The following CPAMD8 variants were observed in gnomAD, a reference collection of about 807,000 sequenced individuals.
CPAMD8 encodes the protein C3 and PZP like alpha-2-macroglobulin domain containing 8.
In CPAMD8, 146 loss-of-function variants were observed where a neutral mutation model predicts 224.7. The ratio of observed to expected loss-of-function variants is 0.65; its 90% CI spans 0.57 to 0.75. CPAMD8 has a LOEUF of 0.75. Among genes scored for constraint, CPAMD8 ranks in the 30% least tolerant of loss-of-function variants. The pLI is 0.00. For synonymous variants in CPAMD8, 966 were observed against 1,044.6 expected (o/e 0.92, Z 1.45); for missense variants, 2,301 against 2,537.5 (o/e 0.91, Z 2.00).
chr19:16,967,634 G>A (rs1022947452), intron 18 of CPAMD8, among the ~76,000 whole-genome samples: 8 of 151,796 alleles, frequency 5.3e-5, no homozygotes, highest in Admixed American at 2.0e-4. Context: ...GTGAAACCCC[G>A]TCTCTACTAA....
Position 16,975,145 on chromosome 19 carries a change from G to A in CPAMD8, c.2022C>T (p.Val674=), listed in dbSNP as rs1375810022. The A allele has an allele frequency of 1.2e-6, 2 of 1,613,044 alleles. No individual in the cohort carries two copies. The highest frequency in any genetic ancestry group is 2.7e-5 in the African/African-American group (2 of 74,922). ...TGGTGATGCCCCAAGGCCACGGGAA[G>A]ACAGAGGAGCGCCGGCGTCGTTGTG... is the stretch of plus-strand genomic sequence containing the variant. ...LTAQRRRRSS[V]FPWPWGITKD... Residue 674 remains valine (V), a synonymous_variant, in exon 17 of 42, where the codon GTC becomes GTT. Transcript: ENST00000443236.
intron 14 of CPAMD8, 72 bp downstream of exon 14, chr19:16,980,425 G>C: frequency 6.8e-7 from 1 of 1,465,278 alleles, no homozygotes; most frequent in South Asian, 1.2e-5. Context: ...GTCCCTCCTT[G>C]CAGGAGCACC....
At chr19:16,914,934 G>A (rs767799296) in intron 27 of CPAMD8, 121 bp from the exon 28 acceptor site, 24 of 700,192 alleles carry the variant, frequency 3.4e-5, no homozygotes, top group Non-Finnish European at 5.3e-5. Flanking sequence ...TCTATAAGAT[G>A]GGAGGGGTCC....
At chr19:16,998,014 G>C (rs1223904129) in intron 10 of CPAMD8, among the ~76,000 whole-genome samples, 3 of 152,172 alleles carry the variant, frequency 2.0e-5, no homozygotes, top group African/African-American at 7.2e-5. Context: ...AAGAGCTGTG[G>C]AGTAAATTAC....
Position 16,997,012 on chromosome 19 carries a change from TC to T in CPAMD8, c.1095+98del. The T allele has an allele frequency of 4.0e-6, 3 of 755,766 alleles. No homozygotes were observed. In the East Asian group the frequency reaches 7.6e-5, roughly 19 times the overall value. The allele number at this position is 755,766 out of a possible 1,614,324, so 46.8% of individuals were successfully genotyped here. A position where few individuals can be genotyped will look rare whatever the true frequency, so the allele number is the denominator to read the frequency against. On this transcript the variant is annotated intron_variant, in intron 11 of 41. Coordinates refer to ENST00000443236, the MANE Select transcript of CPAMD8 (RefSeq NM_015692.5). Reference sequence around the variant, plus strand: ...TCTCCGCAAAGGTTATGTCAGGGGATCCGTTTTCAGCTGAGTCACCACTGCA... The same window carrying T: ...TCTCCGCAAAGGTTATGTCAGGGGATCGTTTTCAGCTGAGTCACCACTGCA...
chr19:16,920,662 C>G (rs1028397506), intron 27 of CPAMD8, among the ~76,000 whole-genome samples: 4 of 151,956 alleles, frequency 2.6e-5, no homozygotes, highest in African/African-American at 9.7e-5. Flanking sequence ...TTGAGACCAG[C>G]CTGGCCAACA....
At chr19:17,004,964 CAGAG>C (rs373313266) in intron 7 of CPAMD8, among the ~76,000 whole-genome samples, 9 of 139,928 alleles carry the variant, frequency 6.4e-5, no homozygotes, top group Non-Finnish European at 1.4e-4. Context: ...GAGAGACAGA[CAGAG>C]AGAGAGAGAG....
chr19:16,946,660 TTG>T (rs749949451), intron 21 of CPAMD8, among the ~76,000 whole-genome samples: 14 of 148,620 alleles, frequency 9.4e-5, no homozygotes, highest in African/African-American at 2.2e-4. Flanking sequence ...GTGTGTGGAT[TTG>T]TGTGTGTGTA....
intron 2 of CPAMD8, among the ~76,000 whole-genome samples, chr19:17,020,936 C>G (rs2056937875): frequency 6.6e-6 from 1 of 152,210 alleles, no homozygotes; most frequent in Non-Finnish European, 1.5e-5. Context: ...ACGTGGCTCC[C>G]AAGCTCTCCA....
At chr19:16,954,369 A>C (rs1037007305) in intron 19 of CPAMD8, among the ~76,000 whole-genome samples, 3 of 151,952 alleles carry the variant, frequency 2.0e-5, no homozygotes, top group Non-Finnish European at 4.4e-5. Flanking sequence ...AAAAGAGAAC[A>C]GCAAGTGTTT....
At chr19:16,996,991 C>T (rs570084916) in intron 11 of CPAMD8, 120 bp downstream of exon 11, 66 of 689,806 alleles carry the variant, frequency 9.6e-5, no homozygotes, top group Non-Finnish European at 1.5e-4. Context: ...CTCCACTCTC[C>T]GCAAAGGTTA....
At chr19:16,948,921 GGGGAGT>G (rs2054206909) in intron 20 of CPAMD8, among the ~76,000 whole-genome samples, 1 of 101,558 alleles carries the variant, frequency 9.8e-6, no homozygotes, top group African/African-American at 3.9e-5. Flanking sequence ...GGGAAAGGAA[GGGGAGT>G]GGAGGGGAGA....
intron 20 of CPAMD8, among the ~76,000 whole-genome samples, chr19:16,949,238 C>G (rs1423731213): frequency 1.3e-5 from 2 of 152,084 alleles, no homozygotes. Flanking sequence ...AGCACATACA[C>G]TGCCCAGCAG....
chr19:16,895,619 T>G (rs944872401), intron 41 of CPAMD8: 1 of 332,930 alleles, frequency 3.0e-6, no homozygotes, highest in African/African-American at 2.2e-5. Context: ...AATCTGCCCA[T>G]GAGGAAACCG....
At chr19:16,934,263 C>T (rs528171228) in intron 23 of CPAMD8, among the ~76,000 whole-genome samples, 16 of 152,158 alleles carry the variant, frequency 1.1e-4, no homozygotes, top group Admixed American at 4.6e-4. Flanking sequence ...GTTTCACAGA[C>T]GTACATATAT....
chr19:16,978,992 C>T (rs914141342), intron 14 of CPAMD8, among the ~76,000 whole-genome samples: 4 of 148,990 alleles, frequency 2.7e-5, no homozygotes, highest in African/African-American at 1.0e-4. Flanking sequence ...AATCATCTAT[C>T]CATCTGTTCA....
intron 18 of CPAMD8, among the ~76,000 whole-genome samples, chr19:16,961,390 G>A (rs375236931): frequency 3.3e-5 from 5 of 152,230 alleles, no homozygotes; most frequent in Admixed American, 6.5e-5. Context: ...CGGGTCCCAC[G>A]CCCGCAGAGC....
chr19:16,942,470 G>C (rs1051662741), intron 22 of CPAMD8, among the ~76,000 whole-genome samples: 9 of 152,056 alleles, frequency 5.9e-5, no homozygotes, highest in African/African-American at 2.2e-4. Flanking sequence ...CCCAAAACTA[G>C]TAATAATATA....
chr19:16,970,377 A>G (rs928814820), intron 18 of CPAMD8, among the ~76,000 whole-genome samples: 1 of 152,054 alleles, frequency 6.6e-6, no homozygotes, highest in African/African-American at 2.4e-5. Flanking sequence ...ACTTGAGGCC[A>G]GGAGTTCATG....
Sources: allele counts gnomAD v4.1 joint callset (sites outside exome capture counted in the v4.1 genomes callset), GRCh38; gene constraint gnomAD v4.1.1; transcripts MANE v1.5; gene names NCBI Gene and HGNC (gene_info 2026-07-23, HGNC 2026-07-21).